The following IL1R1 variants were observed in gnomAD, a reference collection of about 807,000 sequenced individuals.
IL1R1 encodes interleukin 1 receptor type 1.
A neutral mutation model predicts 50.2 loss-of-function variants in IL1R1; 22 were observed. The observed-to-expected ratio is 0.44, with a 90% CI of 0.31 to 0.63. IL1R1 has a LOEUF of 0.63. Among genes scored for constraint, IL1R1 ranks in the 20% least tolerant of loss-of-function variants. The pLI, the probability that IL1R1 is intolerant of heterozygous loss-of-function variation, is 0.07. For synonymous variants in IL1R1, 251 were observed against 236.7 expected (o/e 1.06, Z -0.55); for missense variants, 509 against 676.2 (o/e 0.75, Z 2.74).
intron 1 of IL1R1, among the ~76,000 whole-genome samples, chr2:102,136,040 G>C (rs542092197): frequency 1.3e-5 from 2 of 152,248 alleles, no homozygotes; most frequent in African/African-American, 4.8e-5. Context: ...CCAGTTCTGG[G>C]TCCTAAGTCT....
chr2:102,179,855 T>C lies in IL1R1; in HGVS notation c.*3096T>C, dbSNP rs1686438328. 6.6e-6 allele frequency: 1 copy of C among 152,556 alleles called. No individual in the cohort carries two copies. Among genetic ancestry groups the C allele is most frequent in the South Asian group, 2.1e-4 (1 of 4,834 alleles). The allele number at this position is 152,556 out of a possible 1,614,324, so 9.5% of individuals were successfully genotyped here. A position where few individuals can be genotyped will look rare whatever the true frequency, so the allele number is the denominator to read the frequency against. On this transcript the variant is annotated 3_prime_UTR_variant, in exon 12 of 12. Transcript: ENST00000410023. Reference sequence around the variant, plus strand: ...GACTGTACTTATTTTCCAATAAAATTTTCAAACTTTGTACTGTTATCCTGA... The same window carrying C: ...GACTGTACTTATTTTCCAATAAAATCTTCAAACTTTGTACTGTTATCCTGA...
intron 1 of IL1R1, among the ~76,000 whole-genome samples, chr2:102,088,942 G>T (rs1679543522): frequency 6.6e-6 from 1 of 152,168 alleles, no homozygotes; most frequent in African/African-American, 2.4e-5. Context: ...TCCTAAAATT[G>T]AAGAGTTAGG....
rs149070318 is a variant in IL1R1, at chr2:102,108,754, A to C, written c.-84+3882A>C. Among the ~76,000 whole-genome samples the C allele has an allele frequency of 5.0e-3, 766 of 152,228 alleles. 4 individuals carry two copies. Among genetic ancestry groups the C allele is most frequent in the African/African-American group, 0.018 (743 of 41,546 alleles). On this transcript the variant is annotated intron_variant, in intron 1 of 10. Transcript: ENST00000409329. The stretch of plus-strand genomic sequence containing the variant: ...TTAAAGCTCTGAAAGGATATTAAAC[A>C]AATGAATGCAAGCCAAGGATAGGAC...
chr2:102,172,439 T>C (rs1326092269), intron 8 of IL1R1: 2 of 984,832 alleles, frequency 2.0e-6, no homozygotes, highest in Non-Finnish European at 2.4e-6. Flanking sequence ...TTTGTCTACA[T>C]TTTTCTTCTT....
In IL1R1 at chr2:102,167,732, G is replaced by T. The variant is rs1247035406; in HGVS notation, c.656-866G>T. 3.3e-5 allele frequency among the ~76,000 whole-genome samples: 5 copies of T among 152,110 alleles called. 1 individual carries two copies. The highest frequency in any genetic ancestry group is 1.2e-4 in the African/African-American group (5 of 41,416). On this transcript the variant is annotated intron_variant, in intron 6 of 11. Transcript: ENST00000410023. ...TTAAGTGCTGGGATTACAGGTGTGA[G>T]CCACCGCGCCCGGCCAGGTTAAGTG... is the stretch of plus-strand genomic sequence containing the variant.
rs540446750 is a variant in IL1R1 at position 102,146,956 on chromosome 2, A to G, written c.-84+3936A>G. Among the ~76,000 whole-genome samples the G allele has an allele frequency of 2.0e-5, 3 of 152,328 alleles. No homozygotes were observed. In the South Asian group the frequency reaches 6.2e-4, roughly 32 times the overall value. On this transcript the variant is annotated intron_variant, in intron 1 of 11. Transcript: ENST00000410023. ...CACTGAGAACCACTGCTTTCCCTGC[A>G]TTGCTGGGTAGTGAGTGATTAAAGT...
At chr2:102,141,284 T>A (rs979512217), upstream of IL1R1, among the ~76,000 whole-genome samples, 2 of 152,216 alleles carry the variant, frequency 1.3e-5, no homozygotes, top group African/African-American at 4.8e-5. Context: ...ACACTGCCTT[T>A]TGGGCCTCAG....
At chr2:102,125,448 TG>T (rs1559475290) in intron 1 of IL1R1, among the ~76,000 whole-genome samples, 1 of 152,176 alleles carries the variant, frequency 6.6e-6, no homozygotes, top group Non-Finnish European at 1.5e-5. Flanking sequence ...GGGAGCTTCC[TG>T]GGGAAGTGAA....
upstream of IL1R1, among the ~76,000 whole-genome samples, chr2:102,103,955 C>T (rs1680265504): frequency 7.1e-6 from 1 of 140,706 alleles, no homozygotes; most frequent in African/African-American, 2.7e-5. Flanking sequence ...TGTGACATTG[C>T]ACTCCAGCCT....
intron 1 of IL1R1, among the ~76,000 whole-genome samples, chr2:102,129,030 T>A (rs1681880926): frequency 2.6e-5 from 4 of 152,012 alleles, no homozygotes; most frequent in African/African-American, 9.7e-5. Flanking sequence ...AGCAAGACCC[T>A]GTCTCTAAAG....
At chr2:102,089,359 CA>C (rs1285378780) in intron 1 of IL1R1, among the ~76,000 whole-genome samples, 1 of 152,148 alleles carries the variant, frequency 6.6e-6, no homozygotes, top group Non-Finnish European at 1.5e-5. Context: ...GTGGGACAGT[CA>C]GAACACATTT....
intron 1 of IL1R1, among the ~76,000 whole-genome samples, chr2:102,083,539 G>A (rs1033227992): frequency 2.0e-5 from 3 of 152,020 alleles, no homozygotes; most frequent in African/African-American, 7.3e-5. Flanking sequence ...TTCCATCCTT[G>A]GGTCCCTCTG....
At chr2:102,148,946 AAACAAACAAAC>A (rs1683398051) in intron 1 of IL1R1, among the ~76,000 whole-genome samples, 1 of 28,000 alleles carries the variant, frequency 3.6e-5, no homozygotes. Context: ...CTCTGTCTCA[AAACAAACAAAC>A]AAACAAACAA....
At chr2:102,107,921 G>T (rs184196998) in intron 1 of IL1R1, among the ~76,000 whole-genome samples, 118 of 152,242 alleles carry the variant, frequency 7.8e-4, no homozygotes, top group Admixed American at 2.9e-3. Flanking sequence ...AATTTTTACC[G>T]ATTGAGTAAC....
chr2:102,141,383 G>A (rs996217058), upstream of IL1R1, among the ~76,000 whole-genome samples: 5 of 152,316 alleles, frequency 3.3e-5, no homozygotes, highest in African/African-American at 2.4e-5. Context: ...GAGACCTTCT[G>A]CTGTATAAAG....
intron 5 of IL1R1, among the ~76,000 whole-genome samples, chr2:102,165,786 G>T (rs902528145): frequency 1.3e-5 from 2 of 152,134 alleles, no homozygotes; most frequent in Admixed American, 1.3e-4. Flanking sequence ...AGCTTAAGAC[G>T]TACTAAATAC....
At chr2:102,166,663 G>T (rs916584120) in intron 6 of IL1R1, among the ~76,000 whole-genome samples, 1 of 152,098 alleles carries the variant, frequency 6.6e-6, no homozygotes, top group African/African-American at 2.4e-5. Context: ...AGCAAGCATC[G>T]GTGTGGACAC....
chr2:102,075,466 A>G (rs987069952), intron 1 of IL1R1, among the ~76,000 whole-genome samples: 2 of 152,248 alleles, frequency 1.3e-5, no homozygotes, highest in African/African-American at 4.8e-5. Flanking sequence ...AAAGAGAAAT[A>G]AAATTTAAAT....
chr2:102,119,175 A>G (rs529540144), intron 1 of IL1R1, among the ~76,000 whole-genome samples: 3 of 152,326 alleles, frequency 2.0e-5, no homozygotes, highest in Admixed American at 1.3e-4. Flanking sequence ...AAACACTGTA[A>G]CTTCATGCTG....
Sources: allele counts gnomAD v4.1 joint callset (sites outside exome capture counted in the v4.1 genomes callset), GRCh38; gene constraint gnomAD v4.1.1; transcripts MANE v1.5; gene names NCBI Gene and HGNC (gene_info 2026-07-23, HGNC 2026-07-21).